GTF2E1: variants seen among roughly 807,000 people sequenced by gnomAD.
GTF2E1 encodes the protein general transcription factor IIE subunit 1.
A neutral mutation model predicts 34.9 loss-of-function variants in GTF2E1; 14 were observed. The ratio of observed to expected loss-of-function variants is 0.40; its 90% CI spans 0.27 to 0.63. GTF2E1 has a LOEUF of 0.63. GTF2E1 is among the 20% of genes least tolerant of loss of function. The pLI is 0.39. For missense variants in GTF2E1, 469 were observed against 557.7 expected (o/e 0.84, Z 1.60); for synonymous variants, 188 against 192.9 (o/e 0.97, Z 0.21).
chr3:120,779,351 C>G (rs967062869), intron 4 of GTF2E1, among the ~76,000 whole-genome samples: 31 of 152,196 alleles, frequency 2.0e-4, no homozygotes, highest in Non-Finnish European at 4.4e-4. Flanking sequence ...TCCTTACCTT[C>G]TTTTCTTTCT....
At chr3:120,770,706 G>A in intron 2 of GTF2E1, 22 bp from the exon 3 acceptor site, 1 of 1,575,268 alleles carries the variant, frequency 6.3e-7, no homozygotes, top group Non-Finnish European at 8.7e-7. Flanking sequence ...TCTCTGACCT[G>A]AGATACTTGT....
At chr3:120,747,526 A>G (rs1709118061) in intron 1 of GTF2E1, among the ~76,000 whole-genome samples, 1 of 152,088 alleles carries the variant, frequency 6.6e-6, no homozygotes, top group Admixed American at 6.6e-5. Context: ...GCGATAGTTT[A>G]CTGAGAATGA....
chr3:120,775,867 A>G (rs1031543416), intron 3 of GTF2E1, among the ~76,000 whole-genome samples: 6 of 152,212 alleles, frequency 3.9e-5, no homozygotes, highest in African/African-American at 1.4e-4. Flanking sequence ...GTTATACCTT[A>G]CTGCATGAGT....
At chr3:120,745,832 A>G (rs1477583473) in intron 1 of GTF2E1, among the ~76,000 whole-genome samples, 1 of 152,124 alleles carries the variant, frequency 6.6e-6, no homozygotes, top group East Asian at 1.9e-4. Flanking sequence ...AAGGAGAGAA[A>G]AGTGTGTCCA....
rs925122030 is a variant in GTF2E1, at chr3:120,750,568, G to A, written c.16G>A (p.Val6Ile). The change falls in exon 2 of 5, where the codon GTC (valine) becomes ATC (isoleucine). Residue 6 changes from valine to isoleucine, a missense_variant. Transcript: ENST00000283875. MADPD[V>I]LTEVPAALKR... ...GTTGCTAAAGATGGCAGACCCAGAT[G>A]TCCTCACTGAAGTTCCAGCAGCATT... 6.2e-7 allele frequency: 1 copy of A among 1,610,392 alleles called. No individual in the cohort carries two copies. The highest frequency in any genetic ancestry group is 8.5e-7 in the Non-Finnish European group (1 of 1,176,806).
chr3:120,768,326 G>A (rs115586738), intron 2 of GTF2E1, among the ~76,000 whole-genome samples: 239 of 152,266 alleles, frequency 1.6e-3, no homozygotes, highest in African/African-American at 5.6e-3. Flanking sequence ...CATCTGGGTA[G>A]AGGGCACAGC....
chr3:120,773,507 C>T (rs1709369509), intron 3 of GTF2E1, among the ~76,000 whole-genome samples: 2 of 152,072 alleles, frequency 1.3e-5, no homozygotes, highest in South Asian at 4.1e-4. Context: ...TGTCAGTAGG[C>T]CTAACCCAAG....
At chr3:120,772,504 G>A (rs1354208014) in intron 3 of GTF2E1, among the ~76,000 whole-genome samples, 1 of 152,124 alleles carries the variant, frequency 6.6e-6, no homozygotes, top group Non-Finnish European at 1.5e-5. Context: ...GTAAGAAAAG[G>A]AATTCCTCTT....
At chr3:120,745,024 C>A (rs1274610067) in intron 1 of GTF2E1, among the ~76,000 whole-genome samples, 1 of 151,846 alleles carries the variant, frequency 6.6e-6, no homozygotes, top group Non-Finnish European at 1.5e-5. Flanking sequence ...CTCAATTGAT[C>A]CACCTCAGCT....
intron 2 of GTF2E1, among the ~76,000 whole-genome samples, chr3:120,752,031 G>A (rs1709168597): frequency 6.6e-6 from 1 of 152,054 alleles, no homozygotes; most frequent in Non-Finnish European, 1.5e-5. Flanking sequence ...ATTTTTAAGT[G>A]GGAAATAACC....
chr3:120,771,247 G>A (rs1709348101), intron 3 of GTF2E1, among the ~76,000 whole-genome samples: 2 of 152,086 alleles, frequency 1.3e-5, no homozygotes, highest in African/African-American at 4.8e-5. Context: ...GCCGCTTGGG[G>A]ATATTTGAAT....
At chr3:120,759,366 G>C (rs952435115) in intron 2 of GTF2E1, among the ~76,000 whole-genome samples, 2 of 152,052 alleles carry the variant, frequency 1.3e-5, no homozygotes, top group South Asian at 4.1e-4. Flanking sequence ...AGATTGCAAA[G>C]ATTTTCTCCC....
intron 2 of GTF2E1, among the ~76,000 whole-genome samples, chr3:120,763,786 C>T (rs569804137): frequency 9.9e-5 from 15 of 152,132 alleles, no homozygotes; most frequent in East Asian, 1.9e-4. Context: ...TCTTGGTTCC[C>T]GTGTAGACTA....
intron 1 of GTF2E1, among the ~76,000 whole-genome samples, chr3:120,746,691 G>A (rs1278782086): frequency 6.6e-6 from 1 of 152,102 alleles, no homozygotes; most frequent in Non-Finnish European, 1.5e-5. Context: ...CTCAGCTACT[G>A]GGGAGTTTGA....
chr3:120,764,606 A>T (rs767423831), intron 2 of GTF2E1, among the ~76,000 whole-genome samples: 5 of 152,214 alleles, frequency 3.3e-5, no homozygotes, highest in Non-Finnish European at 7.3e-5. Context: ...TATTCATTTT[A>T]TATACTGGAC....
At position 120,770,850 on chromosome 3, in the gene GTF2E1, C is replaced by T; in HGVS notation, c.571C>T (p.Leu191Phe). The T allele has an allele frequency of 6.2e-7, 1 of 1,613,618 alleles. No homozygotes were observed. Among genetic ancestry groups the T allele is most frequent in the East Asian group, 2.2e-5 (1 of 44,876 alleles). Residue 191 changes from leucine (L) to phenylalanine (F), a missense_variant, in exon 3 of 5, where the codon CTT (leucine) becomes TTT (phenylalanine). Leu to Phe is a conservative substitution (Grantham distance 22). Transcript: ENST00000283875. ...ACAAATTGAGCCCATTTATGCATTGCTTCGGGAGACAGAGGATGTGAACTT... is the reference window on the plus strand; with the variant it reads ...ACAAATTGAGCCCATTTATGCATTGTTTCGGGAGACAGAGGATGTGAACTT... ...NEQIEPIYALLRETEDVNLAY... is the reference protein window; with the variant it reads ...NEQIEPIYALFRETEDVNLAY...
chr3:120,754,169 ACAGCATG>A lies in GTF2E1; in HGVS notation c.448+3171_448+3177del, dbSNP rs544659082. Among the ~76,000 whole-genome samples the A allele has an allele frequency of 2.0e-4, 30 of 152,326 alleles. No individual in the cohort carries two copies. In the East Asian group the frequency reaches 5.8e-3, roughly 29 times the overall value. ...AGTTAACACTTCTAAGTTAAGTTCA[ACAGCATG>A]CTTCTCCTGAAGGGCAGAGGGGGAT... On this transcript the variant is annotated intron_variant, in intron 2 of 4. Transcript: ENST00000283875.
At chr3:120,757,000 A>G (rs917619808) in intron 2 of GTF2E1, among the ~76,000 whole-genome samples, 2 of 152,088 alleles carry the variant, frequency 1.3e-5, no homozygotes, top group African/African-American at 2.4e-5. Context: ...CATAAAAGCT[A>G]ATTTATTTGC....
At position 120,750,949 on chromosome 3, in the gene GTF2E1, A is replaced by G. The variant is rs766880098; in HGVS notation, c.397A>G (p.Ser133Gly). The change falls in exon 2 of 5, where the codon AGT (serine) becomes GGT (glycine). Residue 133 changes from serine to glycine, a missense_variant. By Grantham distance (56) the Ser-to-Gly change is moderately conservative. Transcript: ENST00000283875. ...GGCTTCCTTCAAATGTCCTGTCTGT[A>G]GTAGTACTTTCACAGACTTAGAAGC... ...NRASFKCPVC[S>G]STFTDLEANQ... is the part of the protein sequence containing the mutation. 71 of 1,613,672 alleles carry G rather than the reference A, an allele frequency of 4.4e-5. 1 individual carries two copies. Among genetic ancestry groups the G allele is most frequent in the South Asian group, 4.1e-4 (37 of 91,078 alleles).
Sources: gnomAD v4.1 joint callset for allele counts (sites outside exome capture counted in the v4.1 genomes callset) on GRCh38, gnomAD v4.1.1 for gene constraint, MANE v1.5 for transcripts, NCBI Gene and HGNC (gene_info 2026-07-23, HGNC 2026-07-21) for gene names.